The following NR5A2 variants were observed in gnomAD, a reference collection of about 807,000 sequenced individuals.
NR5A2 encodes the protein CYP7A promoter-binding factor.
NR5A2 carries 26 observed loss-of-function variants against 62.7 expected under a neutral mutation model. The ratio of observed to expected loss-of-function variants is 0.41; its 90% CI spans 0.30 to 0.58. NR5A2 has a LOEUF of 0.58. Ranked by LOEUF, NR5A2 falls within the 20% of genes least tolerant of loss-of-function variation. NR5A2 has a pLI of 0.22. For missense variants in NR5A2, 541 were observed against 669.1 expected (o/e 0.81, Z 2.11); for synonymous variants, 246 against 241.7 (o/e 1.02, Z -0.16).
chr1:200,094,026 G>C lies in NR5A2; in HGVS notation c.1111-17176G>C, dbSNP rs760913439. 6.6e-5 allele frequency among the ~76,000 whole-genome samples: 10 copies of C among 152,102 alleles called. No individual in the cohort carries two copies. In the Middle Eastern group the frequency reaches 0.017, roughly 259 times the overall value. On this transcript the variant is annotated intron_variant, in intron 5 of 7. Transcript: ENST00000367362. ...AAAAATAAAAATACAAAAATTTGCT[G>C]GTTGTGGTGGCACATGCCTGTAGTC...
intron 7 of NR5A2, among the ~76,000 whole-genome samples, chr1:200,153,171 G>A (rs1002089387): frequency 6.6e-6 from 1 of 152,206 alleles, no homozygotes; most frequent in Non-Finnish European, 1.5e-5. Flanking sequence ...CTACTTTAGA[G>A]TAGTTGTCCT....
At chr1:200,067,762 C>G (rs1663559133) in intron 5 of NR5A2, among the ~76,000 whole-genome samples, 1 of 152,164 alleles carries the variant, frequency 6.6e-6, no homozygotes, top group Non-Finnish European at 1.5e-5. Context: ...TTCACATGTA[C>G]CCCCGAACCT....
Position 200,111,183 on chromosome 1 carries a change from G to C in NR5A2, c.1111-19G>C, listed in dbSNP as rs775767365. On this transcript the variant is annotated intron_variant, in intron 5 of 7. Transcript: ENST00000367362. The stretch of plus-strand genomic sequence containing the variant: ...CATTTTTTGTTTTTTTTGTTTGTTT[G>C]TTTCTATTTCTTTTGCAGGTTGATG... The C allele has an allele frequency of 5.6e-6, 9 of 1,595,944 alleles. No homozygotes were observed. The South Asian group carries it at 8.1e-5, about 14-fold the overall frequency.
At chr1:200,141,506 C>T (rs776532146) in intron 7 of NR5A2, among the ~76,000 whole-genome samples, 2 of 152,118 alleles carry the variant, frequency 1.3e-5, no homozygotes, top group Non-Finnish European at 2.9e-5. Context: ...TAACCCTTCA[C>T]TTATTGAAAG....
intron 7 of NR5A2, among the ~76,000 whole-genome samples, chr1:200,159,167 G>A (rs1027964192): frequency 3.9e-5 from 6 of 151,932 alleles, no homozygotes; most frequent in African/African-American, 1.5e-4. Context: ...CTAGGATTAC[G>A]GGTGTGAGCC....
At chr1:200,070,888 T>C (rs1663712568) in intron 5 of NR5A2, among the ~76,000 whole-genome samples, 1 of 152,140 alleles carries the variant, frequency 6.6e-6, no homozygotes, top group African/African-American at 2.4e-5. Flanking sequence ...TCAGTTTATA[T>C]GTGCAGGCTC....
Position 200,039,600 on chromosome 1 carries a change from A to C in NR5A2, c.65-58A>C. The C allele has an allele frequency of 1.2e-6, 2 of 1,605,018 alleles. No individual in the cohort carries two copies. The highest frequency in any genetic ancestry group is 2.2e-5 in the South Asian group (2 of 90,724). ...AGGCGAGAGGGTTGGGTTAGCAGGC[A>C]TCCCGGTCGCCCCTTCCTTCTTTTC... On this transcript the variant is annotated intron_variant, in intron 1 of 7. Coordinates refer to ENST00000367362, the MANE Select transcript of NR5A2 (RefSeq NM_205860.3). The surrounding 1 kb of genome is among the most constrained non-coding windows in gnomAD (Gnocchi z 5.1).
chr1:200,073,268 T>TTATATATATATATATATATATATATATA (rs371537456), intron 5 of NR5A2, among the ~76,000 whole-genome samples: 1 of 111,228 alleles, frequency 9.0e-6, no homozygotes, highest in African/African-American at 3.6e-5. Context: ...ATATTCCCCT[T>TTATATATATATATATATATATATATATA]TATATATATA....
intron 7 of NR5A2, among the ~76,000 whole-genome samples, chr1:200,125,388 A>G (rs1352897184): frequency 6.6e-6 from 1 of 152,162 alleles, no homozygotes; most frequent in Non-Finnish European, 1.5e-5. Context: ...TAAACTTCCA[A>G]ATTTTGAATG....
intron 5 of NR5A2, among the ~76,000 whole-genome samples, chr1:200,107,111 G>A (rs1333080886): frequency 2.0e-5 from 3 of 152,206 alleles, no homozygotes; most frequent in South Asian, 2.1e-4. Context: ...TGCAGGGCAC[G>A]TGTGAGAAGG....
chr1:200,131,213 T>C (rs187816929), intron 7 of NR5A2, among the ~76,000 whole-genome samples: 1 of 152,038 alleles, frequency 6.6e-6, no homozygotes, highest in Non-Finnish European at 1.5e-5. Flanking sequence ...CTTAATTAAA[T>C]GCAGTATAAT....
chr1:200,048,311 A>G lies in NR5A2; in HGVS notation c.603A>G (p.Gln201=), dbSNP rs1662470055. 6.2e-7 allele frequency: 1 copy of G among 1,614,100 alleles called. No individual in the cohort carries two copies. Residue 201 remains glutamine, a synonymous_variant, in exon 5 of 8, where the codon CAA becomes CAG. Transcript: ENST00000367362. This position sits in a 1 kb window ranked among gnomAD's most constrained non-coding sequence, Gnocchi z 4.8. ...TAGAAGCCATGTCTCAGGTGATCCA[A>G]GCTATGCCCTCTGACCTGACCATTT... The part of the protein sequence containing the change: ...LKLEAMSQVI[Q]AMPSDLTISS...
chr1:200,133,534 CATATATATATAT>C (rs748974260), intron 7 of NR5A2, among the ~76,000 whole-genome samples: 1 of 126,898 alleles, frequency 7.9e-6, no homozygotes, highest in Non-Finnish European at 1.6e-5. Context: ...TATACACACA[CATATATATATAT>C]ACACATATAT....
chr1:200,061,300 C>G (rs1409540019), intron 5 of NR5A2, among the ~76,000 whole-genome samples: 1 of 117,394 alleles, frequency 8.5e-6, no homozygotes, highest in Non-Finnish European at 1.7e-5. Context: ...TTTTTGGAGA[C>G]AGAGTTTTGC....
intron 7 of NR5A2, among the ~76,000 whole-genome samples, chr1:200,145,933 C>G (rs574624366): frequency 6.6e-6 from 1 of 152,164 alleles, no homozygotes; most frequent in East Asian, 1.9e-4. Flanking sequence ...TATAAGTACA[C>G]CAGATAAATG....
intron 5 of NR5A2, among the ~76,000 whole-genome samples, chr1:200,100,344 T>A (rs1158948431): frequency 1.4e-5 from 2 of 145,286 alleles, no homozygotes; most frequent in Non-Finnish European, 3.0e-5. Flanking sequence ...TTATTTGGAT[T>A]TCAGTTTAAG....
Position 200,057,542 on chromosome 1 carries a change from G to A in NR5A2, c.1110+8724G>A, listed in dbSNP as rs557404186. The stretch of plus-strand genomic sequence containing the variant: ...CGCCCAGTCTGGAGTGCAGTGGCAC[G>A]ATCTTGGCTCATGGCAACCTCCACC... On this transcript the variant is annotated intron_variant, in intron 5 of 7. Coordinates refer to ENST00000367362, the MANE Select transcript of NR5A2 (RefSeq NM_205860.3). 38 of 296,348 alleles carry A rather than the reference G, an allele frequency of 1.3e-4. No individual in the cohort carries two copies. The East Asian group carries it at 1.5e-3, about 12-fold the overall frequency. 18.4% of individuals were successfully genotyped at this position (296,348 alleles called of 1,614,324 possible).
At chr1:200,137,211 C>T (rs1316123852) in intron 7 of NR5A2, among the ~76,000 whole-genome samples, 1 of 151,810 alleles carries the variant, frequency 6.6e-6, no homozygotes, top group Non-Finnish European at 1.5e-5. Flanking sequence ...AGTGTAGTAG[C>T]ACAATCTCGG....
chr1:200,055,877 C>T (rs990242298), intron 5 of NR5A2, among the ~76,000 whole-genome samples: 1 of 152,118 alleles, frequency 6.6e-6, no homozygotes, highest in Non-Finnish European at 1.5e-5. Flanking sequence ...TGAAATAAAT[C>T]GAACCTGCAT....
Sources: gnomAD v4.1 joint callset for allele counts (sites outside exome capture counted in the v4.1 genomes callset) on GRCh38, gnomAD v4.1.1 for gene constraint, Gnocchi (gnomAD v3.1) non-coding constraint, MANE v1.5 for transcripts, NCBI Gene and HGNC (gene_info 2026-07-23, HGNC 2026-07-21) for gene names.